Variants in KCNJ6 observed in about 807,000 individuals in gnomAD.
KCNJ6 encodes potassium inwardly rectifying channel subfamily J member 6.
A neutral mutation model predicts 34.2 loss-of-function variants in KCNJ6; 9 were observed. The observed-to-expected ratio is 0.26, with a 90% confidence interval of 0.16 to 0.46. KCNJ6 has a LOEUF of 0.46. Ranked by LOEUF, KCNJ6 falls within the 20% of genes least tolerant of loss-of-function variation. The probability of loss-of-function intolerance (pLI) is 1.00; values close to 1 mark genes in which losing one functional copy is unlikely to be tolerated. For synonymous variants in KCNJ6, 196 were observed against 207.1 expected (o/e 0.95, Z 0.46); for missense variants, 236 against 531.3 (o/e 0.44, Z 5.46).
At chr21:37,857,971 G>A (rs78366607) in intron 1 of KCNJ6, among the ~76,000 whole-genome samples, 1,675 of 152,122 alleles carry the variant, frequency 0.011, 26 homozygotes, top group African/African-American at 0.038. Flanking sequence ...AAAATAAAAA[G>A]AAAATAAATA....
intron 2 of KCNJ6, among the ~76,000 whole-genome samples, chr21:37,783,791 G>A (rs566941635): frequency 6.6e-6 from 1 of 152,180 alleles, no homozygotes; most frequent in Non-Finnish European, 1.5e-5. Flanking sequence ...GGTTAAGTGA[G>A]GTCATAGAGT....
chr21:37,754,270 G>A (rs1445575757), intron 2 of KCNJ6, among the ~76,000 whole-genome samples: 1 of 152,184 alleles, frequency 6.6e-6, no homozygotes, highest in East Asian at 1.9e-4. Context: ...ACCTCAAGGA[G>A]ACAAAGTACT....
chr21:37,801,147 C>T (rs543383696), intron 2 of KCNJ6, among the ~76,000 whole-genome samples: 5 of 152,242 alleles, frequency 3.3e-5, no homozygotes, highest in Admixed American at 1.3e-4. Context: ...TGAACCCAAC[C>T]CTTTGGCCTC....
chr21:37,810,040 C>A (rs1307005045), intron 2 of KCNJ6, among the ~76,000 whole-genome samples: 1 of 152,186 alleles, frequency 6.6e-6, no homozygotes, highest in African/African-American at 2.4e-5. Context: ...GCCTATCCTA[C>A]CTAACTAGTA....
At chr21:37,865,956 C>G (rs144942865) in intron 1 of KCNJ6, among the ~76,000 whole-genome samples, 58 of 103,308 alleles carry the variant, frequency 5.6e-4, no homozygotes, top group African/African-American at 2.0e-3. Flanking sequence ...AGACCACAAA[C>G]CAAATTTCAA....
At chr21:37,647,606 CAGAGTT>C (rs2054411578) in intron 3 of KCNJ6, among the ~76,000 whole-genome samples, 2 of 152,160 alleles carry the variant, frequency 1.3e-5, no homozygotes, top group African/African-American at 4.8e-5. Context: ...TAATCCCCCC[CAGAGTT>C]AGGCCTCAAA....
intron 3 of KCNJ6, among the ~76,000 whole-genome samples, chr21:37,641,411 A>C (rs538346656): frequency 2.0e-5 from 3 of 152,202 alleles, no homozygotes; most frequent in Admixed American, 2.0e-4. Context: ...TGTATAGTCT[A>C]CTGAGAATCC....
rs1314464126 is a variant in KCNJ6, at chr21:37,610,751, AAAG to A, written c.*14405_*14407del. ...AACACACGTGTAAATATCATGGGTCAAAGAAGAAATCTCAAGATAAGTGAAAAA... is the reference window on the plus strand; with the variant it reads ...AACACACGTGTAAATATCATGGGTCAAAGAAATCTCAAGATAAGTGAAAAA... On this transcript the variant is annotated 3_prime_UTR_variant, in exon 4 of 4. Coordinates refer to ENST00000609713, the MANE Select transcript of KCNJ6 (RefSeq NM_002240.5). The A allele has an allele frequency of 6.6e-6, 1 of 152,164 alleles. No individual in the cohort carries two copies. Among genetic ancestry groups the A allele is most frequent in the Non-Finnish European group, 1.5e-5 (1 of 68,036 alleles). The allele number at this position is 152,164 out of a possible 1,614,324, so 9.4% of individuals were successfully genotyped here.
chr21:37,677,164 G>A (rs1178807146), intron 3 of KCNJ6, among the ~76,000 whole-genome samples: 1 of 152,208 alleles, frequency 6.6e-6, no homozygotes, highest in East Asian at 1.9e-4. Context: ...GGTCCCTCCT[G>A]TGGCTTGAGA....
At chr21:37,856,105 T>C (rs554173784) in intron 1 of KCNJ6, among the ~76,000 whole-genome samples, 125 of 152,234 alleles carry the variant, frequency 8.2e-4, no homozygotes, top group African/African-American at 2.8e-3. Context: ...CAGAAAGCCA[T>C]GGCCAGAGAC....
At chr21:37,655,250 AGAGAGAG>A (rs2054457661) in intron 3 of KCNJ6, among the ~76,000 whole-genome samples, 4 of 48,114 alleles carry the variant, frequency 8.3e-5, no homozygotes, top group African/African-American at 4.1e-4. Context: ...AGAGAGAGAG[AGAGAGAG>A]AGAGAGAGAG....
chr21:37,775,734 T>C (rs1410577917), intron 2 of KCNJ6, among the ~76,000 whole-genome samples: 1 of 152,192 alleles, frequency 6.6e-6, no homozygotes, highest in Non-Finnish European at 1.5e-5. Flanking sequence ...ACCAGTACCA[T>C]GCTGTTTTGG....
intron 2 of KCNJ6, among the ~76,000 whole-genome samples, chr21:37,789,406 G>A (rs1035705814): frequency 6.6e-6 from 1 of 152,180 alleles, no homozygotes; most frequent in African/African-American, 2.4e-5. Context: ...GGCCATGTGA[G>A]CATGTAGCAA....
intron 1 of KCNJ6, among the ~76,000 whole-genome samples, chr21:37,855,198 C>T (rs1448351494): frequency 5.3e-5 from 8 of 152,194 alleles, no homozygotes; most frequent in African/African-American, 1.4e-4. Flanking sequence ...TTCTTTTTCT[C>T]TTTTTTACTT....
At chr21:37,676,652 C>T (rs1036301747) in intron 3 of KCNJ6, among the ~76,000 whole-genome samples, 1 of 152,224 alleles carries the variant, frequency 6.6e-6, no homozygotes, top group African/African-American at 2.4e-5. Context: ...AGCAAGGCAC[C>T]AGCCAGAGCT....
In KCNJ6 at chr21:37,902,975, A is replaced by G. The variant is rs1166936696; in HGVS notation, c.-28+12909T>C. 2.6e-5 allele frequency among the ~76,000 whole-genome samples: 4 copies of G among 152,286 alleles called. No homozygotes were observed. In the East Asian group the frequency reaches 7.7e-4, roughly 29 times the overall value. ...TCTGTTTTCAGCAAGTCCCTCTTGC[A>G]CATATCTTAAGCCCATTTTTTTTCC... On this transcript the variant is annotated intron_variant, in intron 1 of 3. Transcript: ENST00000609713.
intron 2 of KCNJ6, among the ~76,000 whole-genome samples, chr21:37,759,341 G>A (rs968806231): frequency 6.6e-6 from 1 of 152,200 alleles, no homozygotes; most frequent in South Asian, 2.1e-4. Flanking sequence ...GGACTGCACT[G>A]AACGGCAGAA....
chr21:37,865,418 T>C (rs1236562316), intron 1 of KCNJ6, among the ~76,000 whole-genome samples: 1 of 152,196 alleles, frequency 6.6e-6, no homozygotes, highest in Non-Finnish European at 1.5e-5. Context: ...TTCTCAGCTG[T>C]CTGCATGGGC....
chr21:37,887,716 A>C (rs997389794), intron 1 of KCNJ6, among the ~76,000 whole-genome samples: 1 of 152,340 alleles, frequency 6.6e-6, no homozygotes, highest in African/African-American at 2.4e-5. Context: ...AATTTTACAA[A>C]GTTCTGGGGA....
Sources: allele counts gnomAD v4.1 joint callset (sites outside exome capture counted in the v4.1 genomes callset), GRCh38; gene constraint gnomAD v4.1.1; transcripts MANE v1.5; gene names NCBI Gene and HGNC (gene_info 2026-07-23, HGNC 2026-07-21).